The following DPP6 variants were observed in gnomAD, a reference collection of about 807,000 sequenced individuals.
DPP6 encodes A-type potassium channel modulatory protein DPP6.
DPP6 carries 69 observed loss-of-function variants against 122.6 expected under a neutral mutation model. The ratio of observed to expected loss-of-function variants is 0.56; its 90% confidence interval spans 0.46 to 0.69. The LOEUF (loss-of-function observed/expected upper bound fraction) is 0.69, where lower values mean the gene tolerates loss of function less well. DPP6 is among the 30% of genes least tolerant of loss of function. DPP6 has a pLI of 0.00. For missense variants in DPP6, 928 were observed against 1,116.9 expected (o/e 0.83, Z 2.41); for synonymous variants, 418 against 433.1 (o/e 0.97, Z 0.43).
chr7:154,630,871 C>T (rs1021764961), intron 5 of DPP6, among the ~76,000 whole-genome samples: 12 of 152,216 alleles, frequency 7.9e-5, no homozygotes, highest in Middle Eastern at 3.4e-3. Context: ...TTGATGGGTA[C>T]AGCAAACCAG....
chr7:154,311,492 G>T (rs1420457099), intron 1 of DPP6, among the ~76,000 whole-genome samples: 2 of 138,284 alleles, frequency 1.4e-5, no homozygotes, highest in African/African-American at 5.8e-5. Flanking sequence ...GTGAAACCCT[G>T]TCTCCACAAA....
At chr7:154,838,772 A>G (rs1402650568) in intron 16 of DPP6, 2 of 152,302 alleles carry the variant, frequency 1.3e-5, no homozygotes, top group East Asian at 3.9e-4. Context: ...ACATCTCACA[A>G]AATGTGGAGC....
At chr7:153,813,068 T>C in the DPP6 span, among the ~76,000 whole-genome samples, 10 of 151,972 alleles carry the variant, frequency 6.6e-5, no homozygotes, top group Non-Finnish European at 1.5e-4. Context: ...GTGCACAATG[T>C]GCAGGCTAGT....
intron 1 of DPP6, among the ~76,000 whole-genome samples, chr7:154,438,966 C>A (rs1352173455): frequency 1.3e-5 from 2 of 152,176 alleles, no homozygotes; most frequent in Non-Finnish European, 2.9e-5. Context: ...AGGAGGAGGG[C>A]AGCTCCGATC....
At chr7:154,785,763 T>C (rs1340844611) in intron 10 of DPP6, among the ~76,000 whole-genome samples, 1 of 152,230 alleles carries the variant, frequency 6.6e-6, no homozygotes, top group African/African-American at 2.4e-5. Flanking sequence ...ATAAATAGCA[T>C]TTACTTTCTC....
the DPP6 span, among the ~76,000 whole-genome samples, chr7:153,828,186 T>C: frequency 2.6e-5 from 4 of 152,138 alleles, no homozygotes; most frequent in South Asian, 6.2e-4. Context: ...TCCTCTGCAG[T>C]GCAGTGTCCG....
At chr7:153,842,458 G>A in the DPP6 span, among the ~76,000 whole-genome samples, 14 of 151,412 alleles carry the variant, frequency 9.2e-5, no homozygotes, top group African/African-American at 1.9e-4. Context: ...TGAGATACAG[G>A]GTTTTTTTTA....
chr7:153,869,303 C>A, the DPP6 span, among the ~76,000 whole-genome samples: 4 of 152,156 alleles, frequency 2.6e-5, no homozygotes, highest in Non-Finnish European at 5.9e-5. Context: ...CTTTGTAGGT[C>A]ACTAAGGACT....
chr7:153,857,837 A>C, the DPP6 span, among the ~76,000 whole-genome samples: 59 of 152,312 alleles, frequency 3.9e-4, no homozygotes, highest in African/African-American at 1.4e-3. Context: ...ACACCACCAC[A>C]TACTTGGGTT....
chr7:154,666,802 A>G (rs1179657796), intron 6 of DPP6, among the ~76,000 whole-genome samples: 1 of 152,220 alleles, frequency 6.6e-6, no homozygotes, highest in African/African-American at 2.4e-5. Flanking sequence ...ATAAATACAA[A>G]CTTGTGCACA....
At chr7:154,508,495 C>A (rs1339394946) in intron 3 of DPP6, among the ~76,000 whole-genome samples, 1 of 152,118 alleles carries the variant, frequency 6.6e-6, no homozygotes, top group Non-Finnish European at 1.5e-5. Flanking sequence ...AGGGGCTGGG[C>A]ATGAAAGAGG....
chr7:154,852,269 A>T (rs1002814850), intron 16 of DPP6, among the ~76,000 whole-genome samples: 1 of 152,136 alleles, frequency 6.6e-6, no homozygotes, highest in Non-Finnish European at 1.5e-5. Context: ...TGCCCAAGAT[A>T]GTGTGCATGC....
At chr7:154,750,987 A>G (rs1260473901) in intron 8 of DPP6, among the ~76,000 whole-genome samples, 2 of 152,210 alleles carry the variant, frequency 1.3e-5, no homozygotes, top group African/African-American at 4.8e-5. Context: ...TATCTGGGTC[A>G]GAATCCCGGA....
In DPP6 at chr7:154,023,291, A is replaced by G. The variant is rs560669142; in HGVS notation, c.51+135557A>G. Among the ~76,000 whole-genome samples the G allele has an allele frequency of 2.3e-3, 324 of 142,966 alleles. 1 individual carries two copies. The highest frequency in any genetic ancestry group is 8.3e-3 in the African/African-American group (297 of 35,876). 93.8% of individuals were successfully genotyped at this position (142,966 alleles called of 152,430 possible). On this transcript the variant is annotated intron_variant, in intron 1 of 25. Coordinates refer to the DPP6 transcript ENST00000404039. ...ATGCAAGGTGAATAATACCTCCTAC[A>G]GCAGGCTCTGGAAATGTTTCTTGTC...
intron 1 of DPP6, among the ~76,000 whole-genome samples, chr7:154,436,289 T>C (rs1818857297): frequency 6.6e-6 from 1 of 151,434 alleles, no homozygotes; most frequent in Non-Finnish European, 1.5e-5. Flanking sequence ...TTACAACCGC[T>C]CCATTGCATG....
chr7:153,942,502 C>T (rs1009968062), intron 1 of DPP6, among the ~76,000 whole-genome samples: 5 of 152,076 alleles, frequency 3.3e-5, no homozygotes, highest in Non-Finnish European at 7.3e-5. Context: ...TAGGAATGGA[C>T]GGAGGAGCTT....
intron 17 of DPP6, among the ~76,000 whole-genome samples, chr7:154,856,046 G>A (rs933668393): frequency 9.2e-5 from 14 of 152,268 alleles, no homozygotes; most frequent in Non-Finnish European, 1.8e-4. Context: ...CCCGGAAGTG[G>A]AGACACAGGA....
intron 1 of DPP6, among the ~76,000 whole-genome samples, chr7:154,238,268 T>C (rs1043469473): frequency 4.6e-5 from 7 of 152,176 alleles, no homozygotes; most frequent in African/African-American, 1.7e-4. Flanking sequence ...CCCAAGAATA[T>C]TATTTTCTTA....
chr7:154,497,534 G>A (rs183379209), intron 3 of DPP6, among the ~76,000 whole-genome samples: 3 of 151,842 alleles, frequency 2.0e-5, no homozygotes, highest in Non-Finnish European at 2.9e-5. Flanking sequence ...ATTTGAACTC[G>A]GGAGGTAGAG....
Sources: gnomAD v4.1 joint callset for allele counts (sites outside exome capture counted in the v4.1 genomes callset) on GRCh38, gnomAD v4.1.1 for gene constraint, MANE v1.5 for transcripts, NCBI Gene and HGNC (gene_info 2026-07-23, HGNC 2026-07-21) for gene names.